MEP1A: variants seen among roughly 807,000 people sequenced by gnomAD.
MEP1A encodes the protein meprin A subunit alpha.
In MEP1A, 68 loss-of-function variants were observed where a neutral mutation model predicts 84.5. The observed-to-expected ratio is 0.80, with a 90% CI of 0.66 to 0.98. The LOEUF (loss-of-function observed/expected upper bound fraction) is 0.98, where lower values mean the gene tolerates loss of function less well. Among genes scored for constraint, MEP1A ranks in the 50% least tolerant of loss-of-function variants. MEP1A has a pLI of 0.00. For synonymous variants in MEP1A, 337 were observed against 336.8 expected (o/e 1.00, Z -0.01); for missense variants, 887 against 919.9 (o/e 0.96, Z 0.46).
At chr6:46,799,960 C>A (rs569793848) in intron 5 of MEP1A, among the ~76,000 whole-genome samples, 72 of 152,306 alleles carry the variant, frequency 4.7e-4, no homozygotes, top group African/African-American at 1.7e-3. Context: ...GGCTGCTAGG[C>A]TGCTCCTACT....
intron 5 of MEP1A, among the ~76,000 whole-genome samples, chr6:46,807,769 AG>A (rs1348852775): frequency 2.6e-5 from 3 of 116,512 alleles, no homozygotes. Context: ...GAAGGGAGAA[AG>A]GAAAGAAAGA....
At chr6:46,802,712 C>T (rs1295478803) in intron 5 of MEP1A, among the ~76,000 whole-genome samples, 1 of 151,700 alleles carries the variant, frequency 6.6e-6, no homozygotes, top group Non-Finnish European at 1.5e-5. Flanking sequence ...TCCACAGATG[C>T]CCTTTGTCAG....
chr6:46,825,039 TTA>T lies in MEP1A; in HGVS notation c.557-232_557-231del, dbSNP rs1194549991. 3.0e-4 allele frequency among the ~76,000 whole-genome samples: 24 copies of T among 80,290 alleles called. 3 individuals carry two copies. The highest frequency in any genetic ancestry group is 7.9e-4 in the African/African-American group (20 of 25,252). The allele number at this position is 80,290 out of a possible 152,430, so 52.7% of individuals were successfully genotyped here. On this transcript the variant is annotated intron_variant, in intron 7 of 13. Transcript: ENST00000230588. ...AAATTATATATTTAAATAGATCTATTTAAATATTTATAAATTATGTATTTAAA... is the reference window on the plus strand; with the variant it reads ...AAATTATATATTTAAATAGATCTATTAATATTTATAAATTATGTATTTAAA...
chr6:46,794,908 C>A (rs1341174626), intron 3 of MEP1A, among the ~76,000 whole-genome samples: 1 of 152,126 alleles, frequency 6.6e-6, no homozygotes, highest in Non-Finnish European at 1.5e-5. Flanking sequence ...ACTCTTTAGG[C>A]CCACCACCAC....
At chr6:46,829,260 A>G (rs1768019104) in intron 9 of MEP1A, 96 bp from the exon 10 acceptor site, 1 of 963,374 alleles carries the variant, frequency 1.0e-6, no homozygotes, top group Admixed American at 1.9e-5. Context: ...TGTTGCCTGG[A>G]CAATGGCTGT....
intron 7 of MEP1A, among the ~76,000 whole-genome samples, chr6:46,822,139 A>G (rs1180329549): frequency 6.6e-6 from 1 of 152,220 alleles, no homozygotes; most frequent in Non-Finnish European, 1.5e-5. Flanking sequence ...ACTATAGTCC[A>G]TGGGCCATAT....
At chr6:46,834,457 A>G (rs1046761790) in intron 11 of MEP1A, 121 bp from the exon 12 acceptor site, 11 of 211,354 alleles carry the variant, frequency 5.2e-5, no homozygotes, top group African/African-American at 2.4e-4. Flanking sequence ...TTATTTATTT[A>G]TTTATTTATT....
At chr6:46,808,152 T>TC (rs900943102) in intron 5 of MEP1A, among the ~76,000 whole-genome samples, 3 of 152,198 alleles carry the variant, frequency 2.0e-5, no homozygotes, top group African/African-American at 7.2e-5. Flanking sequence ...ACTTTTTTTT[T>TC]CTCACATTTT....
intron 13 of MEP1A, among the ~76,000 whole-genome samples, chr6:46,837,651 T>A (rs1436593843): frequency 6.6e-6 from 1 of 152,204 alleles, no homozygotes; most frequent in Non-Finnish European, 1.5e-5. Context: ...CACTTGTATG[T>A]CAGCCTCCAC....
intron 6 of MEP1A, among the ~76,000 whole-genome samples, chr6:46,811,466 T>C (rs1201031248): frequency 1.3e-5 from 2 of 152,040 alleles, no homozygotes; most frequent in African/African-American, 4.8e-5. Flanking sequence ...CCTTTATTTC[T>C]CTCTCTTGTC....
chr6:46,803,933 G>C (rs1767253837), intron 5 of MEP1A, among the ~76,000 whole-genome samples: 1 of 151,582 alleles, frequency 6.6e-6, no homozygotes, highest in Non-Finnish European at 1.5e-5. Flanking sequence ...TTTTACAATA[G>C]TATAATTCCA....
intron 6 of MEP1A, among the ~76,000 whole-genome samples, chr6:46,816,379 G>A (rs1277710459): frequency 6.6e-6 from 1 of 152,156 alleles, no homozygotes; most frequent in African/African-American, 2.4e-5. Context: ...TACCAGGTGG[G>A]GGTGGTGGAG....
At chr6:46,816,249 G>A (rs1031018465) in intron 6 of MEP1A, among the ~76,000 whole-genome samples, 5 of 152,056 alleles carry the variant, frequency 3.3e-5, no homozygotes, top group African/African-American at 9.7e-5. Flanking sequence ...GAGCCACCGC[G>A]CCCGGCCTCA....
At position 46,835,393 on chromosome 6, in the gene MEP1A, T is replaced by C; in HGVS notation, c.1928T>C (p.Leu643Pro). 1 of 1,612,206 alleles carries C rather than the reference T, an allele frequency of 6.2e-7. No homozygotes were observed. The highest frequency in any genetic ancestry group is 8.5e-7 in the Non-Finnish European group (1 of 1,179,192). ...TTAGAGGAAGCCCTACCTGTCAGCC[T>C]GAGCCAGGGGCAGCCCAGCCGACAG... ...AMLEEALPVS[L>P]SQGQPSRQKR... is the part of the protein sequence containing the mutation. The change falls in exon 13 of 14, where the codon CTG becomes CCG. Residue 643 changes from leucine to proline, a missense_variant. Physicochemically the swap from Leu to Pro is moderately conservative, Grantham distance 98. Coordinates refer to ENST00000230588, the MANE Select transcript of MEP1A (RefSeq NM_005588.3).
At chr6:46,839,850 AG>A (rs1231255346), downstream of MEP1A, 8 of 152,102 alleles carry the variant, frequency 5.3e-5, no homozygotes, top group African/African-American at 1.7e-4. Context: ...GGTGTTCAAA[AG>A]CTCTTTCCCA....
intron 5 of MEP1A, among the ~76,000 whole-genome samples, chr6:46,806,992 T>C (rs1767340894): frequency 6.6e-6 from 1 of 152,024 alleles, no homozygotes; most frequent in Non-Finnish European, 1.5e-5. Context: ...GTTTATTTTC[T>C]TATTTTTTCA....
chr6:46,811,871 A>T lies in MEP1A; in HGVS notation c.380+2334A>T, dbSNP rs183107749. On this transcript the variant is annotated intron_variant, in intron 6 of 13. Coordinates refer to ENST00000230588, the MANE Select transcript of MEP1A (RefSeq NM_005588.3). ...TTTGATATGCTGTTGGATTCAGTTCATCAGTACATTATTGAGGATTTTTGC... is the reference window on the plus strand; with the variant it reads ...TTTGATATGCTGTTGGATTCAGTTCTTCAGTACATTATTGAGGATTTTTGC... Among the ~76,000 whole-genome samples the T allele has an allele frequency of 1.5e-3, 229 of 151,962 alleles. 1 individual carries two copies. Among genetic ancestry groups the T allele is most frequent in the Non-Finnish European group, 2.7e-3 (186 of 67,790 alleles).
intron 7 of MEP1A, among the ~76,000 whole-genome samples, chr6:46,822,541 T>A (rs1461470984): frequency 6.6e-6 from 1 of 152,156 alleles, no homozygotes; most frequent in Non-Finnish European, 1.5e-5. Context: ...TCTAACCTGA[T>A]GGGATTTTTG....
At chr6:46,807,799 GAAAGAA>G (rs1767391712) in intron 5 of MEP1A, among the ~76,000 whole-genome samples, 1 of 145,424 alleles carries the variant, frequency 6.9e-6, no homozygotes, top group African/African-American at 2.5e-5. Flanking sequence ...AAGAAAGAAA[GAAAGAA>G]AGAAAGAAAG....
Sources: allele counts gnomAD v4.1 joint callset (sites outside exome capture counted in the v4.1 genomes callset), GRCh38; gene constraint gnomAD v4.1.1; transcripts MANE v1.5; gene names NCBI Gene and HGNC (gene_info 2026-07-23, HGNC 2026-07-21).